Variants in PDE3A observed in about 807,000 individuals in gnomAD.
PDE3A encodes phosphodiesterase 3A.
PDE3A carries 43 observed loss-of-function variants against 98.3 expected under a neutral mutation model. The ratio of observed to expected loss-of-function variants is 0.44; its 90% CI spans 0.34 to 0.56. PDE3A has a LOEUF of 0.56. PDE3A is among the 20% of genes least tolerant of loss of function. PDE3A has a pLI of 0.01. For missense variants in PDE3A, 1,427 were observed against 1,440.7 expected (o/e 0.99, Z 0.15); for synonymous variants, 663 against 567.9 (o/e 1.17, Z -2.38).
At chr12:20,423,336 C>T (rs1944551060) in intron 1 of PDE3A, among the ~76,000 whole-genome samples, 1 of 152,142 alleles carries the variant, frequency 6.6e-6, no homozygotes, top group Non-Finnish European at 1.5e-5. Context: ...GTTTCTGTAT[C>T]TCTTTCACAG....
intron 2 of PDE3A, among the ~76,000 whole-genome samples, chr12:20,604,401 C>T (rs1242275633): frequency 1.3e-5 from 2 of 151,922 alleles, no homozygotes; most frequent in Non-Finnish European, 2.9e-5. Context: ...CTCTTATATC[C>T]CAACGTTTTA....
chr12:20,375,047 C>T (rs1386271349), intron 1 of PDE3A, among the ~76,000 whole-genome samples: 2 of 151,862 alleles, frequency 1.3e-5, no homozygotes, highest in African/African-American at 4.8e-5. Flanking sequence ...CCATATGTCT[C>T]CTCTTCAGTG....
chr12:20,623,701 GAAAGAATATATGATGGATA>G lies in PDE3A; in HGVS notation c.1540+2291_1540+2309del, dbSNP rs1307250254. Among the ~76,000 whole-genome samples, 320 of 148,884 alleles carry G rather than the reference GAAAGAATATATGATGGATA, an allele frequency of 2.1e-3. 7 individuals are homozygous for G. Among genetic ancestry groups the G allele is most frequent in the African/African-American group, 6.3e-3 (253 of 39,956 alleles). Reference sequence around the variant, plus strand: ...AAGAATATATGATGGATATATTCTAGAAAGAATATATGATGGATATATTCTAGAAAGAATATATGATGGA... The same window carrying G: ...AAGAATATATGATGGATATATTCTAGTATTCTAGAAAGAATATATGATGGA... On this transcript the variant is annotated intron_variant, in intron 5 of 15. Transcript: ENST00000359062.
At chr12:20,487,418 A>G (rs1945748180) in intron 1 of PDE3A, among the ~76,000 whole-genome samples, 1 of 146,410 alleles carries the variant, frequency 6.8e-6, no homozygotes, top group African/African-American at 2.5e-5. Flanking sequence ...AATCCCAGCA[A>G]TTTGGGAGGC....
intron 5 of PDE3A, among the ~76,000 whole-genome samples, chr12:20,629,688 C>T (rs1944339780): frequency 6.6e-6 from 1 of 152,024 alleles, no homozygotes; most frequent in Non-Finnish European, 1.5e-5. Context: ...GCCAACATTG[C>T]CACTATTTTT....
Position 20,444,016 on chromosome 12 carries a change from A to T in PDE3A, c.960+73772A>T, listed in dbSNP as rs1341924865. 2.0e-5 allele frequency among the ~76,000 whole-genome samples: 3 copies of T among 152,196 alleles called. No homozygotes were observed. In the East Asian group the frequency reaches 5.8e-4, roughly 29 times the overall value. ...GGAGGACCTTGCAGGACTGGTTTAT[A>T]TAGCAGGAAGTTAAGAGACAAGAGA... is the stretch of plus-strand genomic sequence containing the variant. On this transcript the variant is annotated intron_variant, in intron 1 of 15. Transcript: ENST00000359062.
In PDE3A at chr12:20,396,297, G is replaced by A. The variant is rs117425847; in HGVS notation, c.960+26053G>A. The stretch of plus-strand genomic sequence containing the variant: ...TCACCTTTCTAAAAGTGGATAAGCT[G>A]TAGGACCCATTAACATTTTACTGGC... On this transcript the variant is annotated intron_variant, in intron 1 of 15. Transcript: ENST00000359062. Among the ~76,000 whole-genome samples the A allele has an allele frequency of 3.3e-3, 502 of 152,202 alleles. 4 individuals are homozygous for A. The East Asian group carries it at 0.036, about 11-fold the overall frequency.
Position 20,680,348 on chromosome 12 carries a change from C to G in PDE3A, c.*77C>G. ...TCTTCAAGCCAGCACAACATTTAGA[C>G]ACAACACTGTAGAAATTTGAGATGG... On this transcript the variant is annotated 3_prime_UTR_variant, in exon 16 of 16. Transcript: ENST00000359062. 7.0e-7 allele frequency: 1 copy of G among 1,437,486 alleles called. No homozygotes were observed. Among genetic ancestry groups the G allele is most frequent in the Admixed American group, 2.0e-5 (1 of 49,294 alleles). The allele number at this position is 1,437,486 out of a possible 1,614,324, so 89.0% of individuals were successfully genotyped here. A position where few individuals can be genotyped will look rare whatever the true frequency, so the allele number is the denominator to read the frequency against.
chr12:20,685,176 G>A lies in PDE3A; in HGVS notation c.*4905G>A, dbSNP rs540487054. Among the ~76,000 whole-genome samples the A allele has an allele frequency of 3.3e-5, 5 of 152,228 alleles. No individual in the cohort carries two copies. The highest frequency in any genetic ancestry group is 5.9e-5 in the Non-Finnish European group (4 of 68,008). On this transcript the variant is annotated 3_prime_UTR_variant, in exon 16 of 16. Transcript: ENST00000359062. ...GCCTGTAATCCCAGCACTTTGGGAG[G>A]CCAAGGCTGGTGGATCACCTGAGGT...
At chr12:20,530,998 G>A (rs1001933925) in intron 1 of PDE3A, among the ~76,000 whole-genome samples, 2 of 152,122 alleles carry the variant, frequency 1.3e-5, no homozygotes, top group South Asian at 2.1e-4. Flanking sequence ...TAATCCAGAG[G>A]TCTGCTCCTT....
chr12:20,509,364 A>T (rs1946175579), intron 1 of PDE3A, among the ~76,000 whole-genome samples: 1 of 151,682 alleles, frequency 6.6e-6, no homozygotes, highest in South Asian at 2.1e-4. Context: ...AGCACCACCC[A>T]TTTTTCCCCT....
chr12:20,573,879 G>C (rs1347373104), intron 2 of PDE3A, among the ~76,000 whole-genome samples: 4 of 152,018 alleles, frequency 2.6e-5, no homozygotes, highest in Admixed American at 6.6e-5. Context: ...TTTCCAAACA[G>C]TCTTGTAAAT....
chr12:20,521,407 T>C (rs1946424178), intron 1 of PDE3A, among the ~76,000 whole-genome samples: 1 of 152,160 alleles, frequency 6.6e-6, no homozygotes, highest in Non-Finnish European at 1.5e-5. Context: ...CCAGTCATTT[T>C]GAAAGGTAAG....
intron 3 of PDE3A, among the ~76,000 whole-genome samples, chr12:20,615,722 T>G (rs1380575066): frequency 1.3e-5 from 2 of 151,760 alleles, no homozygotes; most frequent in African/African-American, 4.9e-5. Context: ...AGGTTGGTTA[T>G]GTATTTATTT....
chr12:20,450,026 G>A (rs1224112822), intron 1 of PDE3A: 52 of 667,876 alleles, frequency 7.8e-5, no homozygotes, highest in East Asian at 1.2e-4. Flanking sequence ...TGGAAGTTAC[G>A]GAAGTTTTTC....
intron 15 of PDE3A, among the ~76,000 whole-genome samples, chr12:20,668,602 A>C (rs1330648143): frequency 6.6e-6 from 1 of 152,186 alleles, no homozygotes; most frequent in Non-Finnish European, 1.5e-5. Flanking sequence ...GACACCTCAC[A>C]TGGCAGGGTA....
intron 1 of PDE3A, among the ~76,000 whole-genome samples, chr12:20,392,173 C>G (rs1038026105): frequency 2.0e-5 from 3 of 151,942 alleles, no homozygotes; most frequent in Admixed American, 2.0e-4. Context: ...TTCATCTGTC[C>G]TGTGCCTTTG....
intron 2 of PDE3A, among the ~76,000 whole-genome samples, chr12:20,612,241 A>G (rs1182418615): frequency 5.7e-5 from 2 of 35,368 alleles, no homozygotes; most frequent in Non-Finnish European, 1.3e-4. Context: ...TAGTGGACAT[A>G]AGTGGCTTTA....
intron 1 of PDE3A, among the ~76,000 whole-genome samples, chr12:20,506,081 A>G (rs909039185): frequency 1.2e-4 from 18 of 144,404 alleles, no homozygotes; most frequent in African/African-American, 4.2e-4. Flanking sequence ...TCAAGGAGCT[A>G]TGGGAACTCT....
Sources: allele counts gnomAD v4.1 joint callset (sites outside exome capture counted in the v4.1 genomes callset), GRCh38; gene constraint gnomAD v4.1.1; transcripts MANE v1.5; gene names NCBI Gene and HGNC (gene_info 2026-07-23, HGNC 2026-07-21).